GSTO1: variants seen among roughly 807,000 people sequenced by gnomAD.
The protein encoded by GSTO1 is glutathione S-transferase omega-1.
GSTO1 carries 27 observed loss-of-function variants against 23.8 expected under a neutral mutation model. The ratio of observed to expected loss-of-function variants is 1.13; its 90% CI spans 0.83 to 1.56. GSTO1 has a LOEUF of 1.56. Ranked by LOEUF, GSTO1 falls within the 40% of genes most tolerant of loss-of-function variation. The pLI is 0.00. For missense variants in GSTO1, 255 were observed against 285.8 expected, an observed-to-expected ratio of 0.89 and a Z score of 0.78; for synonymous variants, 105 against 109.3, an observed-to-expected ratio of 0.96 and a Z score of 0.25.
intron 2 of GSTO1, among the ~76,000 whole-genome samples, chr10:104,257,257 G>T (rs1013189317): frequency 4.6e-5 from 7 of 151,134 alleles, no homozygotes; most frequent in Non-Finnish European, 1.0e-4. Context: ...TTCCTTTTTG[G>T]TTTACTTTGT....
chr10:104,257,342 A>ATT (rs111298496), intron 2 of GSTO1, among the ~76,000 whole-genome samples: 1 of 139,258 alleles, frequency 7.2e-6, no homozygotes. Flanking sequence ...TTGTGGGTGG[A>ATT]TTTTTTTTTT....
intron 3 of GSTO1, among the ~76,000 whole-genome samples, chr10:104,261,622 A>G (rs980631797): frequency 6.6e-6 from 1 of 152,242 alleles, no homozygotes; most frequent in Non-Finnish European, 1.5e-5. Flanking sequence ...GGACTGAAGT[A>G]TGCAAAGTAA....
intron 2 of GSTO1, among the ~76,000 whole-genome samples, chr10:104,258,391 C>T (rs1188074977): frequency 6.6e-6 from 1 of 152,162 alleles, no homozygotes; most frequent in African/African-American, 2.4e-5. Context: ...AAAATAAACA[C>T]ATGAGACTAC....
chr10:104,256,024 C>G (rs1467094490), intron 2 of GSTO1, among the ~76,000 whole-genome samples: 1 of 152,180 alleles, frequency 6.6e-6, no homozygotes, highest in Admixed American at 6.5e-5. Context: ...AAGTTTAAAA[C>G]AAACCCCCTA....
chr10:104,255,048 G>T (rs2135048212), intron 1 of GSTO1, 86 bp downstream of exon 1: 1 of 1,475,896 alleles, frequency 6.8e-7, no homozygotes, highest in Non-Finnish European at 9.3e-7. Context: ...CAGCCGCCCG[G>T]GAGCGCCCCA....
chr10:104,254,852 G>A, upstream of GSTO1: 27 of 1,400,706 alleles, frequency 1.9e-5, no homozygotes, highest in Non-Finnish European at 2.7e-5. Flanking sequence ...GGGAGGGAAG[G>A]AGGGCGGGAA....
intron 3 of GSTO1, among the ~76,000 whole-genome samples, chr10:104,261,211 A>G (rs990205991): frequency 1.3e-5 from 2 of 152,236 alleles, no homozygotes; most frequent in Non-Finnish European, 2.9e-5. Flanking sequence ...GCTTTTAGAC[A>G]TGAAGCTTTA....
chr10:104,266,183 T>A lies in GSTO1; in HGVS notation c.565T>A (p.Leu189Ile). The change falls in exon 5 of 6, where the codon TTA (leucine) becomes ATA (isoleucine). Residue 189 changes from leucine (L) to isoleucine (I), a missense_variant. Coordinates refer to ENST00000369713, the MANE Select transcript of GSTO1 (RefSeq NM_004832.3). ...PWFERLEAMK[L>I]NECVDHTPKL... ...GTTTGAACGGCTGGAAGCAATGAAG[T>A]TAAATGAGTAAGATATTTGAATATT... 1.3e-6 allele frequency: 2 copies of A among 1,543,960 alleles called. No homozygotes were observed. Among genetic ancestry groups the A allele is most frequent in the Non-Finnish European group, 9.0e-7 (1 of 1,116,272 alleles).
intron 2 of GSTO1, among the ~76,000 whole-genome samples, chr10:104,255,760 T>C (rs1041248704): frequency 2.0e-5 from 3 of 152,246 alleles, no homozygotes; most frequent in Non-Finnish European, 2.9e-5. Context: ...CTGAGTTTAC[T>C]GCACATATTC....
At chr10:104,267,219 G>C (rs1397580488) in intron 5 of GSTO1, 33 bp from the exon 6 acceptor site, 2 of 1,547,018 alleles carry the variant, frequency 1.3e-6, no homozygotes, top group African/African-American at 2.7e-5. Context: ...AGTTGACCTA[G>C]CTCACACCTT....
chr10:104,255,660 T>A (rs1157689026), intron 2 of GSTO1, among the ~76,000 whole-genome samples: 1 of 152,182 alleles, frequency 6.6e-6, no homozygotes, highest in Non-Finnish European at 1.5e-5. Flanking sequence ...GCTTAACTGT[T>A]AGTTGTTATT....
chr10:104,264,363 A>T (rs1001323824), intron 4 of GSTO1, among the ~76,000 whole-genome samples: 3 of 152,294 alleles, frequency 2.0e-5, no homozygotes, highest in East Asian at 1.9e-4. Flanking sequence ...TTCTTCAGAT[A>T]ATTAGTTTAG....
intron 3 of GSTO1, 45 bp from the exon 4 acceptor site, chr10:104,262,933 AC>A: frequency 2.4e-6 from 2 of 823,428 alleles, no homozygotes; most frequent in Non-Finnish European, 4.1e-6. Flanking sequence ...GGGGGCCGAT[AC>A]AGTTAGCCAT....
upstream of GSTO1, chr10:104,254,779 A>G (rs2091592923): frequency 4.2e-6 from 3 of 717,782 alleles, no homozygotes; most frequent in South Asian, 3.1e-5. Flanking sequence ...AAAGCCGGGA[A>G]GGCACAACGG....
chr10:104,256,397 C>G (rs964077572), intron 2 of GSTO1, among the ~76,000 whole-genome samples: 5 of 152,186 alleles, frequency 3.3e-5, no homozygotes, highest in Non-Finnish European at 7.4e-5. Flanking sequence ...CAGCTGGATT[C>G]AGAGGCACAA....
intron 2 of GSTO1, 29 bp from the exon 3 acceptor site, chr10:104,259,547 C>G: frequency 1.4e-6 from 2 of 1,419,958 alleles, no homozygotes; most frequent in Non-Finnish European, 2.0e-6. Context: ...TTGTTTCCTT[C>G]TCTTCATAGT....
intron 2 of GSTO1, among the ~76,000 whole-genome samples, chr10:104,255,967 G>A (rs1370228156): frequency 6.6e-6 from 1 of 152,174 alleles, no homozygotes; most frequent in Non-Finnish European, 1.5e-5. Flanking sequence ...TTGGATGTCT[G>A]TTGATTAGAC....
chr10:104,256,233 T>C (rs2091602415), intron 2 of GSTO1, among the ~76,000 whole-genome samples: 1 of 152,144 alleles, frequency 6.6e-6, no homozygotes, highest in African/African-American at 2.4e-5. Context: ...TCTGAACACA[T>C]AGAGTACTTA....
rs2011124277 is a variant in GSTO1, at chr10:104,259,802, TG to T, written c.366+5del. 6 of 1,588,182 alleles carry T rather than the reference TG, an allele frequency of 3.8e-6. No homozygotes were observed. In the East Asian group the frequency reaches 1.3e-4, roughly 35 times the overall value. Reference sequence around the variant, plus strand: ...GATCTTAGAGTTGTTTTCTAAGGTTTGTGCATAAGAAATTTCAGCTCCTATT... The same window carrying T: ...GATCTTAGAGTTGTTTTCTAAGGTTTTGCATAAGAAATTTCAGCTCCTATT... On this transcript the variant is annotated splice_donor_5th_base_variant and intron_variant, in intron 3 of 5. Transcript: ENST00000369713.
Sources: allele counts gnomAD v4.1 joint callset (sites outside exome capture counted in the v4.1 genomes callset), GRCh38; gene constraint gnomAD v4.1.1; transcripts MANE v1.5; gene names NCBI Gene and HGNC (gene_info 2026-07-23, HGNC 2026-07-21).